Variants in CCDC144A observed in about 807,000 individuals in gnomAD.
CCDC144A encodes the protein coiled-coil domain containing 144A, also known as coiled-coil domain-containing protein 144A.
CCDC144A carries 41 observed loss-of-function variants against 143.8 expected under a neutral mutation model. The observed-to-expected ratio is 0.29, with a 90% CI of 0.22 to 0.37. The LOEUF (loss-of-function observed/expected upper bound fraction) is 0.37, where lower values mean the gene tolerates loss of function less well. CCDC144A is among the 10% of genes least tolerant of loss of function. The pLI is 1.00. For synonymous variants in CCDC144A, 242 were observed against 517.9 expected (o/e 0.47, Z 7.23); for missense variants, 637 against 1,488.8 (o/e 0.43, Z 9.41).
At chr17:16,771,357 T>C (rs1915817825) in intron 15 of CCDC144A, among the ~76,000 whole-genome samples, 6 of 152,262 alleles carry the variant, frequency 3.9e-5, no homozygotes, top group Admixed American at 3.9e-4. Flanking sequence ...TTATCCTTGT[T>C]TTTATGTAAA....
the CCDC144A span, among the ~76,000 whole-genome samples, chr17:16,676,671 CTTCT>C: frequency 6.6e-6 from 1 of 151,976 alleles, no homozygotes. Context: ...TTCTTTTCAA[CTTCT>C]TTCTTCTACT....
At chr17:16,715,446 T>C (rs1381083548) in intron 6 of CCDC144A, among the ~76,000 whole-genome samples, 1 of 152,160 alleles carries the variant, frequency 6.6e-6, no homozygotes, top group African/African-American at 2.4e-5. Flanking sequence ...TAGTTTTCCA[T>C]TTAGAGAGAA....
chr17:16,736,318 G>A (rs1474010287), intron 12 of CCDC144A, among the ~76,000 whole-genome samples: 1 of 149,232 alleles, frequency 6.7e-6, no homozygotes, highest in Non-Finnish European at 1.5e-5. Context: ...TGCCATGTTG[G>A]CAAGGCTGGT....
chr17:16,678,125 C>A, the CCDC144A span, among the ~76,000 whole-genome samples: 3 of 151,948 alleles, frequency 2.0e-5, no homozygotes, highest in African/African-American at 7.2e-5. Context: ...TTTTAATGTA[C>A]AAACCATTCA....
At chr17:16,753,436 T>TGTTG (rs1281845059) in intron 12 of CCDC144A, among the ~76,000 whole-genome samples, 5 of 135,626 alleles carry the variant, frequency 3.7e-5, no homozygotes, top group African/African-American at 6.8e-5. Context: ...TAGTTTTTTT[T>TGTTG]TTTTTTTTTT....
rs376628352 is a variant in CCDC144A at position 16,761,635 on chromosome 17, G to T, written c.3583G>T (p.Ala1195Ser). 40 of 1,613,752 alleles carry T rather than the reference G, an allele frequency of 2.5e-5. No individual in the cohort carries two copies. The highest frequency in any genetic ancestry group is 3.3e-5 in the Non-Finnish European group (39 of 1,179,698). Reference sequence around the variant, plus strand: ...AAGAAATATGTTAGAACGTGGTAAAGCTGAATGGCATAAACTGTTGATTGA... The same window carrying T: ...AAGAAATATGTTAGAACGTGGTAAATCTGAATGGCATAAACTGTTGATTGA... Reference protein sequence around the residue: ...MERNMLERGKAEWHKLLIEER... With the variant: ...MERNMLERGKSEWHKLLIEER... The change falls in exon 13 of 17, where the codon GCT (alanine) becomes TCT (serine). Residue 1195 changes from alanine (A) to serine (S), a missense_variant. Coordinates refer to ENST00000399273, the MANE Select transcript of CCDC144A (RefSeq NM_001382000.1).
chr17:16,725,051 G>A (rs1284040274), intron 8 of CCDC144A, among the ~76,000 whole-genome samples: 5 of 50,754 alleles, frequency 9.9e-5, no homozygotes, highest in Non-Finnish European at 1.9e-4. Flanking sequence ...AATCTACTTT[G>A]GTATTAACAT....
At chr17:16,677,158 T>C in the CCDC144A span, among the ~76,000 whole-genome samples, 1 of 152,084 alleles carries the variant, frequency 6.6e-6, no homozygotes, top group Non-Finnish European at 1.5e-5. Flanking sequence ...CTTCTCTCCT[T>C]CTGCACCTTC....
intron 8 of CCDC144A, among the ~76,000 whole-genome samples, chr17:16,726,602 T>A (rs1913440553): frequency 6.6e-6 from 1 of 152,108 alleles, no homozygotes; most frequent in East Asian, 1.9e-4. Flanking sequence ...GCATCACTCA[T>A]GGGAATGGAC....
chr17:16,753,764 C>T (rs1914937724), intron 12 of CCDC144A, among the ~76,000 whole-genome samples: 1 of 150,068 alleles, frequency 6.7e-6, no homozygotes, highest in African/African-American at 2.5e-5. Flanking sequence ...CCCTTTATTT[C>T]TCTGACAATT....
At chr17:16,704,466 A>T (rs1911930053) in intron 2 of CCDC144A, among the ~76,000 whole-genome samples, 1 of 152,154 alleles carries the variant, frequency 6.6e-6, no homozygotes, top group Admixed American at 6.6e-5. Flanking sequence ...AAAAATAAAA[A>T]AAAAAAATTT....
chr17:16,749,761 G>A (rs531931805), intron 12 of CCDC144A, among the ~76,000 whole-genome samples: 36 of 152,352 alleles, frequency 2.4e-4, no homozygotes, highest in African/African-American at 8.4e-4. Context: ...GTTTTTGAAT[G>A]TGGGTGCTCC....
chr17:16,698,404 A>G (rs1329295726), intron 2 of CCDC144A, among the ~76,000 whole-genome samples: 1 of 152,082 alleles, frequency 6.6e-6, no homozygotes, highest in Non-Finnish European at 1.5e-5. Context: ...ACAATCATAG[A>G]GTTGTGGGGT....
At chr17:16,709,869 T>TTCA (rs1912294621) in intron 5 of CCDC144A, among the ~76,000 whole-genome samples, 1 of 152,192 alleles carries the variant, frequency 6.6e-6, no homozygotes, top group African/African-American at 2.4e-5. Flanking sequence ...GTATGGATTG[T>TTCA]GAAACTCATT....
chr17:16,759,310 C>T (rs1488505879), intron 12 of CCDC144A, among the ~76,000 whole-genome samples: 1 of 152,164 alleles, frequency 6.6e-6, no homozygotes, highest in Non-Finnish European at 1.5e-5. Context: ...CTGATGTAAC[C>T]ACCCCTGTAA....
At chr17:16,684,305 T>C in the CCDC144A span, 1 of 760,994 alleles carries the variant, frequency 1.3e-6, no homozygotes, top group Non-Finnish European at 2.4e-6. Flanking sequence ...TAATGGTTTA[T>C]GTAAGTGGTT....
the CCDC144A span, among the ~76,000 whole-genome samples, chr17:16,682,475 A>G: frequency 7.2e-5 from 11 of 152,166 alleles, no homozygotes; most frequent in Admixed American, 7.2e-4. Flanking sequence ...GTGTTGAGGT[A>G]TAATATGAAA....
chr17:16,755,635 C>T (rs1915042393), intron 12 of CCDC144A, among the ~76,000 whole-genome samples: 1 of 152,246 alleles, frequency 6.6e-6, no homozygotes, highest in Non-Finnish European at 1.5e-5. Flanking sequence ...TCTCAGCTTA[C>T]TGCAACCTCT....
intron 8 of CCDC144A, among the ~76,000 whole-genome samples, chr17:16,721,864 C>G (rs972165832): frequency 1.3e-5 from 2 of 152,134 alleles, no homozygotes; most frequent in African/African-American, 4.8e-5. Context: ...TGGATTTTAC[C>G]CATCCCTATT....
Sources: gnomAD v4.1 joint callset for allele counts (sites outside exome capture counted in the v4.1 genomes callset) on GRCh38, gnomAD v4.1.1 for gene constraint, MANE v1.5 for transcripts, NCBI Gene and HGNC (gene_info 2026-07-23, HGNC 2026-07-21) for gene names.